NBPF14: variants seen among roughly 807,000 people sequenced by gnomAD.
NBPF14 encodes NBPF member 14.
Under a neutral mutation model 91.2 loss-of-function variants are expected in NBPF14, and 104 were observed. The observed-to-expected ratio is 1.14, with a 90% CI of 0.97 to 1.34. The LOEUF (loss-of-function observed/expected upper bound fraction) is 1.34. Ranked by LOEUF, NBPF14 falls within the 40% of genes most tolerant of loss-of-function variation. NBPF14 has a pLI of 0.00. For synonymous variants in NBPF14, 294 were observed against 303.8 expected (o/e 0.97, Z 0.34); for missense variants, 908 against 783.0 (o/e 1.16, Z -1.91).
At chr1:148,592,615 G>A (rs1662696058) in exon 4 of NBPF14, 2 of 1,573,922 alleles carry the variant, frequency 1.3e-6, no homozygotes, top group African/African-American at 2.8e-5. Flanking sequence ...TGTTCTTGGA[G>A]GTCCTGCCCC....
chr1:148,587,187 G>T (rs1322760293), intron 8 of NBPF14, 114 bp downstream of exon 8: 4 of 868,690 alleles, frequency 4.6e-6, no homozygotes, highest in Non-Finnish European at 7.6e-6. Context: ...GCCTGCCATG[G>T]CAATTCCTGC....
intron 69 of NBPF14, 149 bp downstream of exon 69, chr1:148,534,535 C>T: frequency 2.8e-6 from 2 of 710,714 alleles, no homozygotes; most frequent in East Asian, 5.3e-5. Context: ...CCAGCTGAGA[C>T]TACAGTTTCA....
In NBPF14 at chr1:148,557,798, T is replaced by G. The variant is rs1430579263; in HGVS notation, c.4955-256A>C. 2.6e-3 allele frequency among the ~76,000 whole-genome samples: 291 copies of G among 112,222 alleles called. 8 individuals are homozygous for G. Among genetic ancestry groups the G allele is most frequent in the African/African-American group, 0.013 (274 of 21,610 alleles). The allele number at this position is 112,222 out of a possible 152,430, so 73.6% of individuals were successfully genotyped here. A position where few individuals can be genotyped will look rare whatever the true frequency, so the allele number is the denominator to read the frequency against. The stretch of plus-strand genomic sequence containing the variant: ...TATCCCAAGTTTGTGCAAACAGTTA[T>G]GCTTTATTGTTCCCATCAGTTCAAA... On this transcript the variant is annotated intron_variant, in intron 39 of 70. Coordinates refer to ENST00000619423, the Ensembl canonical transcript of NBPF14.
At chr1:148,538,244 A>T (rs1470172530) in intron 64 of NBPF14, among the ~76,000 whole-genome samples, 116 of 74,044 alleles carry the variant, frequency 1.6e-3, no homozygotes, top group African/African-American at 6.7e-3. Flanking sequence ...ACACACACAC[A>T]CACAGAGAGA....
intron 2 of NBPF14, 83 bp from the exon 3 acceptor site, chr1:148,593,783 C>G: frequency 9.4e-7 from 1 of 1,065,282 alleles, no homozygotes; most frequent in Admixed American, 1.7e-5. Flanking sequence ...GAGCCAGGTC[C>G]ATCCCAAGGA....
chr1:148,535,115 G>A (rs1243298535), intron 68 of NBPF14, among the ~76,000 whole-genome samples: 3 of 146,370 alleles, frequency 2.0e-5, no homozygotes, highest in Admixed American at 6.8e-5. Flanking sequence ...CACTGATGAA[G>A]GGGTCAAAGG....
chr1:148,533,765 G>C lies in NBPF14; in HGVS notation c.8723+96C>G, dbSNP rs1359254500. 69 of 762,052 alleles carry C rather than the reference G, an allele frequency of 9.1e-5. 1 individual carries two copies. Among genetic ancestry groups the C allele is most frequent in the African/African-American group, 8.7e-4 (51 of 58,724 alleles). The allele number at this position is 762,052 out of a possible 1,614,324, so 47.2% of individuals were successfully genotyped here. ...TGACAGTAGGAGTAATTCAGCCTTT[G>C]TTGAAAATATGACATCAAACACACT... On this transcript the variant is annotated intron_variant, in intron 70 of 70. Coordinates refer to ENST00000619423, the Ensembl canonical transcript of NBPF14.
At chr1:148,538,225 C>A (rs1382751589) in intron 64 of NBPF14, among the ~76,000 whole-genome samples, 3 of 73,476 alleles carry the variant, frequency 4.1e-5, no homozygotes, top group East Asian at 4.9e-4. Context: ...CACACACACA[C>A]ACACACACAC....
intron 69 of NBPF14, among the ~76,000 whole-genome samples, chr1:148,534,422 T>C (rs1212739094): frequency 6.6e-6 from 1 of 151,768 alleles, no homozygotes; most frequent in African/African-American, 2.4e-5. Flanking sequence ...ATTTGTCACA[T>C]CTGCCCAGGT....
intron 34 of NBPF14, among the ~76,000 whole-genome samples, chr1:148,561,865 T>C (rs1657854152): frequency 3.0e-5 from 4 of 134,426 alleles, no homozygotes; most frequent in Non-Finnish European, 6.0e-5. Flanking sequence ...CAGTGAATTG[T>C]CCAGGTGACA....
chr1:148,559,087 G>C lies in NBPF14; in HGVS notation c.4730-15C>G. ...CTTTTCAATTTCTGCAATAAGTTCA[G>C]ACATGGACAGACATATTAAGCTGGT... is the stretch of plus-strand genomic sequence containing the variant. On this transcript the variant is annotated splice_polypyrimidine_tract_variant and intron_variant, in intron 37 of 70. Transcript: ENST00000619423. 8.2e-6 allele frequency: 6 copies of C among 727,370 alleles called. 1 individual carries two copies. Among genetic ancestry groups the C allele is most frequent in the South Asian group, 3.2e-5 (2 of 62,486 alleles). 45.1% of individuals were successfully genotyped at this position (727,370 alleles called of 1,614,324 possible).
At chr1:148,554,800 A>T (rs1360414745) in intron 43 of NBPF14, among the ~76,000 whole-genome samples, 2 of 147,200 alleles carry the variant, frequency 1.4e-5, no homozygotes, top group African/African-American at 2.7e-5. Flanking sequence ...ACAAAATCAG[A>T]GTTGTGTGAA....
chr1:148,534,578 G>A lies in NBPF14; in HGVS notation c.8614+106C>T, dbSNP rs1372840717. 3.0e-5 allele frequency: 24 copies of A among 813,384 alleles called. 1 individual carries two copies. Among genetic ancestry groups the A allele is most frequent in the South Asian group, 1.5e-4 (11 of 74,418 alleles). 50.4% of individuals were successfully genotyped at this position (813,384 alleles called of 1,614,324 possible). ...CTATATGCGCCCATAGGTCCTGCCT[G>A]CGGCAATGACATCTCTCGGGTGAGT... On this transcript the variant is annotated intron_variant, in intron 69 of 70. Coordinates refer to ENST00000619423, the Ensembl canonical transcript of NBPF14.
chr1:148,533,759 G>C (rs1355848893), intron 70 of NBPF14, 102 bp downstream of exon 70: 1 of 761,160 alleles, frequency 1.3e-6, no homozygotes, highest in Admixed American at 1.7e-5. Flanking sequence ...GAGTAATTCA[G>C]CCTTTGTTGA....
chr1:148,581,733 A>AG (rs1404342741), intron 12 of NBPF14, among the ~76,000 whole-genome samples: 1 of 151,422 alleles, frequency 6.6e-6, no homozygotes, highest in East Asian at 1.9e-4. Flanking sequence ...CAAACTGTAA[A>AG]GACCATTGAC....
chr1:148,557,797 A>G lies in NBPF14; in HGVS notation c.4955-255T>C, dbSNP rs1171389888. 2.7e-4 allele frequency among the ~76,000 whole-genome samples: 30 copies of G among 112,522 alleles called. 3 individuals carry two copies. Among genetic ancestry groups the G allele is most frequent in the Non-Finnish European group, 4.2e-4 (25 of 58,846 alleles). 73.8% of individuals were successfully genotyped at this position (112,522 alleles called of 152,430 possible). On this transcript the variant is annotated intron_variant, in intron 39 of 70. Transcript: ENST00000619423. ...TTATCCCAAGTTTGTGCAAACAGTT[A>G]TGCTTTATTGTTCCCATCAGTTCAA... is the stretch of plus-strand genomic sequence containing the variant.
At chr1:148,534,208 C>A (rs1203903316) in intron 69 of NBPF14, among the ~76,000 whole-genome samples, 3 of 150,692 alleles carry the variant, frequency 2.0e-5, no homozygotes, top group East Asian at 1.9e-4. Context: ...TATCATTTGT[C>A]CCAAGTTTCT....
At chr1:148,590,040 CTTTTTTTT>C (rs1196401979) in intron 6 of NBPF14, among the ~76,000 whole-genome samples, 2 of 76,348 alleles carry the variant, frequency 2.6e-5, no homozygotes, top group African/African-American at 1.2e-4. Flanking sequence ...CAGAGACTTA[CTTTTTTTT>C]TTTTTTTTTT....
At chr1:148,533,390 T>G (rs1481937068) in intron 70 of NBPF14, 142 bp from the exon 71 acceptor site, 269 of 585,390 alleles carry the variant, frequency 4.6e-4, no homozygotes, top group Non-Finnish European at 6.8e-4. Flanking sequence ...AAAAATTTAT[T>G]GCCTTTATGT....
Sources: allele counts gnomAD v4.1 joint callset (sites outside exome capture counted in the v4.1 genomes callset), GRCh38; gene constraint gnomAD v4.1.1; transcripts MANE v1.5; gene names NCBI Gene and HGNC (gene_info 2026-07-23, HGNC 2026-07-21).